Variants in SEPTIN9 observed in about 807,000 individuals in gnomAD.
SEPTIN9 encodes the protein septin 9, also known as septin-9.
Under a neutral mutation model 56.6 loss-of-function variants are expected in SEPTIN9, and 13 were observed. That is an observed-to-expected ratio of 0.23 (90% CI 0.15 to 0.37). SEPTIN9 has a LOEUF of 0.37. SEPTIN9 is among the 10% of genes least tolerant of loss of function. SEPTIN9 has a pLI of 1.00. For synonymous variants in SEPTIN9, 332 were observed against 334.1 expected (o/e 0.99, Z 0.07); for missense variants, 650 against 823.1 (o/e 0.79, Z 2.57).
Position 77,432,485 on chromosome 17 carries a change from G to T in SEPTIN9, c.721+29782G>T, listed in dbSNP as rs141527150. ...CTGAGAACGGGGGTAGAGAGATGGGGGCTGTGCCCTGCTCCCTGACCCAAG... is the reference window on the plus strand; with the variant it reads ...CTGAGAACGGGGGTAGAGAGATGGGTGCTGTGCCCTGCTCCCTGACCCAAG... On this transcript the variant is annotated intron_variant, in intron 3 of 11. Transcript: ENST00000427177. 1.5e-3 allele frequency among the ~76,000 whole-genome samples: 221 copies of T among 152,340 alleles called. 2 individuals carry two copies. Among genetic ancestry groups the T allele is most frequent in the African/African-American group, 4.1e-3 (171 of 41,580 alleles).
At chr17:77,424,040 G>A (rs1230972684) in intron 3 of SEPTIN9, among the ~76,000 whole-genome samples, 1 of 152,172 alleles carries the variant, frequency 6.6e-6, no homozygotes, top group African/African-American at 2.4e-5. Context: ...TCCATTTTAG[G>A]GACAACGCAA....
intron 3 of SEPTIN9, among the ~76,000 whole-genome samples, chr17:77,468,037 G>A (rs569383187): frequency 4.6e-5 from 7 of 152,118 alleles, no homozygotes; most frequent in Admixed American, 2.6e-4. Context: ...AGGCAGAGGC[G>A]GGCGGATTAC....
chr17:77,472,900 A>G (rs1194805062), intron 3 of SEPTIN9: 2 of 152,236 alleles, frequency 1.3e-5, no homozygotes, highest in Non-Finnish European at 2.9e-5. Context: ...ACACATTTGC[A>G]CAATTTGGTC....
rs563604761 is a variant in SEPTIN9, at chr17:77,351,271, G to T, written c.76+44074G>T. On this transcript the variant is annotated intron_variant, in intron 2 of 11. Coordinates refer to ENST00000427177, the MANE Select transcript of SEPTIN9 (RefSeq NM_001113491.2). ...CACACACACACACACACACACACACGAGTCAGGGGCGAGCACTCCTGTGGA... is the reference window on the plus strand; with the variant it reads ...CACACACACACACACACACACACACTAGTCAGGGGCGAGCACTCCTGTGGA... Among the ~76,000 whole-genome samples, 3 of 141,638 alleles carry T rather than the reference G, an allele frequency of 2.1e-5. No homozygotes were observed. The East Asian group carries it at 6.4e-4, about 30-fold the overall frequency. 92.9% of individuals were successfully genotyped at this position (141,638 alleles called of 152,430 possible). A position where few individuals can be genotyped will look rare whatever the true frequency, so the allele number is the denominator to read the frequency against.
In SEPTIN9 at chr17:77,319,586, G is replaced by T. The variant is rs997907929; in HGVS notation, c.76+12389G>T. On this transcript the variant is annotated intron_variant, in intron 2 of 11. Transcript: ENST00000427177. This position sits in a 1 kb window ranked among gnomAD's most constrained non-coding sequence, Gnocchi z 5.3. Reference sequence around the variant, plus strand: ...AGGGTTCCTCCTGGGCAGGTGCTCCGGAACCTTTTCTCAGCACGCTGGCCT... The same window carrying T: ...AGGGTTCCTCCTGGGCAGGTGCTCCTGAACCTTTTCTCAGCACGCTGGCCT... 9.4e-7 allele frequency: 1 copy of T among 1,059,858 alleles called. No homozygotes were observed. Among genetic ancestry groups the T allele is most frequent in the Non-Finnish European group, 1.1e-6 (1 of 876,028 alleles). The allele number at this position is 1,059,858 out of a possible 1,614,324, so 65.7% of individuals were successfully genotyped here. A position where few individuals can be genotyped will look rare whatever the true frequency, so the allele number is the denominator to read the frequency against.
At chr17:77,410,459 C>G (rs554865069) in intron 3 of SEPTIN9, among the ~76,000 whole-genome samples, 1 of 152,200 alleles carries the variant, frequency 6.6e-6, no homozygotes. Context: ...TTCCATCTGC[C>G]GCCTTCCAAA....
chr17:77,441,874 G>A (rs543004132), intron 3 of SEPTIN9, among the ~76,000 whole-genome samples: 4 of 152,176 alleles, frequency 2.6e-5, no homozygotes, highest in South Asian at 2.1e-4. Flanking sequence ...TTTGAGAAAC[G>A]GGGTCCAAAT....
intron 3 of SEPTIN9, among the ~76,000 whole-genome samples, chr17:77,416,273 T>C (rs1015033644): frequency 6.6e-6 from 1 of 152,184 alleles, no homozygotes; most frequent in Non-Finnish European, 1.5e-5. Flanking sequence ...GAGCTTGTGG[T>C]ACCTGAGAGG....
rs769026529 is a variant in SEPTIN9, at chr17:77,436,165, G to A, written c.721+33462G>A. Among the ~76,000 whole-genome samples the A allele has an allele frequency of 7.9e-5, 12 of 152,186 alleles. No individual in the cohort carries two copies. The highest frequency in any genetic ancestry group is 1.3e-4 in the Non-Finnish European group (9 of 68,044). ...GTGAGGATGCCTGCTGGAAGCCAACGTGCACGAAAGAGTTAATGGTGGATC... is the reference window on the plus strand; with the variant it reads ...GTGAGGATGCCTGCTGGAAGCCAACATGCACGAAAGAGTTAATGGTGGATC... On this transcript the variant is annotated intron_variant, in intron 3 of 11. Transcript: ENST00000427177. The surrounding 1 kb of genome is among the most constrained non-coding windows in gnomAD (Gnocchi z 4.4).
intron 2 of SEPTIN9, among the ~76,000 whole-genome samples, chr17:77,332,530 T>C (rs2033404467): frequency 6.6e-6 from 1 of 152,206 alleles, no homozygotes; most frequent in African/African-American, 2.4e-5. Flanking sequence ...ATTATTTTTG[T>C]TTTTCTTTGA....
At chr17:77,377,807 A>C (rs2034985646) in intron 2 of SEPTIN9, among the ~76,000 whole-genome samples, 2 of 152,224 alleles carry the variant, frequency 1.3e-5, no homozygotes, top group Admixed American at 6.5e-5. Context: ...AATTAATGCC[A>C]GTAGGCCTCT....
intron 3 of SEPTIN9, chr17:77,446,635 G>A (rs886457783): frequency 6.0e-6 from 1 of 166,862 alleles, no homozygotes; most frequent in African/African-American, 2.4e-5. Context: ...GCAGCCATGA[G>A]CCATCACACC....
At chr17:77,308,806 C>T (rs1363511553) in intron 2 of SEPTIN9, among the ~76,000 whole-genome samples, 2 of 152,054 alleles carry the variant, frequency 1.3e-5, no homozygotes, top group East Asian at 1.9e-4. Context: ...CAGGCCTGGA[C>T]AGTGGAGAGG....
chr17:77,327,959 C>T lies in SEPTIN9; in HGVS notation c.76+20762C>T, dbSNP rs1301622782. ...TCCCGATGCTCAGAGTTTCCCCGTG[C>T]CCAGTGTGTCCCTGTATCCAGGGCA... On this transcript the variant is annotated intron_variant, in intron 2 of 11. Transcript: ENST00000427177. The surrounding 1 kb of genome is among the most constrained non-coding windows in gnomAD (Gnocchi z 5.0). Among the ~76,000 whole-genome samples the T allele has an allele frequency of 6.6e-6, 1 of 152,132 alleles. No individual in the cohort carries two copies. Among genetic ancestry groups the T allele is most frequent in the Admixed American group, 6.5e-5 (1 of 15,286 alleles).
rs1170633400 is a variant in SEPTIN9 at position 77,431,515 on chromosome 17, A to G, written c.721+28812A>G. On this transcript the variant is annotated intron_variant, in intron 3 of 11. Transcript: ENST00000427177. The stretch of plus-strand genomic sequence containing the variant: ...CTCAATACTTATTAATTTGTTTTGA[A>G]CTAAAGATGGTTTTCTCTGCTTTGT... Among the ~76,000 whole-genome samples, 6 of 152,308 alleles carry G rather than the reference A, an allele frequency of 3.9e-5. No individual in the cohort carries two copies. The East Asian group carries it at 1.2e-3, about 29-fold the overall frequency.
chr17:77,488,932 A>C lies in SEPTIN9; in HGVS notation c.1262+68A>C, dbSNP rs426885. The stretch of plus-strand genomic sequence containing the variant: ...GGTTCCCTCTGTCCCCTGGGACTGC[A>C]AGACGGTGCTGTCTGCCCTGCTGCT... On this transcript the variant is annotated intron_variant, in intron 7 of 11. Coordinates refer to ENST00000427177, the MANE Select transcript of SEPTIN9 (RefSeq NM_001113491.2). 771,269 of 1,586,278 alleles carry C rather than the reference A, an allele frequency of 0.49. 192,210 individuals are homozygous for C. Among genetic ancestry groups the C allele is most frequent in the African/African-American group, 0.74 (55,547 of 74,730 alleles).
At chr17:77,412,619 G>C (rs931170303) in intron 3 of SEPTIN9, among the ~76,000 whole-genome samples, 2 of 152,020 alleles carry the variant, frequency 1.3e-5, no homozygotes, top group African/African-American at 4.8e-5. Context: ...CCGGCTACTC[G>C]GGAGGCTGAT....
In SEPTIN9 at chr17:77,389,712, C is replaced by A. The variant is rs80082290; in HGVS notation, c.77-12347C>A. Reference sequence around the variant, plus strand: ...CAGGGACGGAGGGTGGGCGGCCCTCCCACCCAGGCCCTGGCGGCCCCACCC... The same window carrying A: ...CAGGGACGGAGGGTGGGCGGCCCTCACACCCAGGCCCTGGCGGCCCCACCC... On this transcript the variant is annotated intron_variant, in intron 2 of 11. Coordinates refer to ENST00000427177, the MANE Select transcript of SEPTIN9 (RefSeq NM_001113491.2). This position sits in a 1 kb window ranked among gnomAD's most constrained non-coding sequence, Gnocchi z 4.3. 0.14 allele frequency among the ~76,000 whole-genome samples: 21,161 copies of A among 152,130 alleles called. 1,837 individuals carry two copies. Among genetic ancestry groups the A allele is most frequent in the South Asian group, 0.21 (1,000 of 4,802 alleles).
rs930474323 is a variant in SEPTIN9 at position 77,499,674 on chromosome 17, G to A, written c.*1016G>A. On this transcript the variant is annotated 3_prime_UTR_variant, in exon 12 of 12. Transcript: ENST00000427177. Reference sequence around the variant, plus strand: ...TGTGTGTCCATGTGTATGCGTGTCCGTCTGTCTGTCTAGTGTCTGGGTTTG... The same window carrying A: ...TGTGTGTCCATGTGTATGCGTGTCCATCTGTCTGTCTAGTGTCTGGGTTTG... 4.3e-5 allele frequency: 18 copies of A among 414,126 alleles called. No homozygotes were observed. The highest frequency in any genetic ancestry group is 3.4e-4 in the East Asian group (8 of 23,358). The allele number at this position is 414,126 out of a possible 1,614,324, so 25.7% of individuals were successfully genotyped here. A position where few individuals can be genotyped will look rare whatever the true frequency, so the allele number is the denominator to read the frequency against.
Sources: gnomAD v4.1 joint callset for allele counts (sites outside exome capture counted in the v4.1 genomes callset) on GRCh38, gnomAD v4.1.1 for gene constraint, Gnocchi (gnomAD v3.1) non-coding constraint, MANE v1.5 for transcripts, NCBI Gene and HGNC (gene_info 2026-07-23, HGNC 2026-07-21) for gene names.